The following MYOCD variants were observed in gnomAD, a reference collection of about 807,000 sequenced individuals.
MYOCD encodes the protein myocardin.
MYOCD carries 32 observed loss-of-function variants against 96.1 expected under a neutral mutation model. The ratio of observed to expected loss-of-function variants is 0.33; its 90% CI spans 0.25 to 0.45. MYOCD has a LOEUF of 0.45. MYOCD is among the 20% of genes least tolerant of loss of function. The pLI is 1.00. For synonymous variants in MYOCD, 469 were observed against 469.0 expected (o/e 1.00, Z 0.00); for missense variants, 1,133 against 1,200.6 (o/e 0.94, Z 0.83).
chr17:12,692,726 A>T (rs1172981332), intron 1 of MYOCD, among the ~76,000 whole-genome samples: 3 of 152,074 alleles, frequency 2.0e-5, no homozygotes, highest in African/African-American at 7.2e-5. Flanking sequence ...CTCTAAGGAG[A>T]CCTATACAGC....
At chr17:12,753,479 A>G in intron 10 of MYOCD, 133 bp downstream of exon 10, 3 of 818,528 alleles carry the variant, frequency 3.7e-6, no homozygotes, top group Non-Finnish European at 5.6e-6. Context: ...AATCTCCCAG[A>G]CACTACAATC....
chr17:12,760,522 G>T (rs946288349), intron 12 of MYOCD, 128 bp from the exon 13 acceptor site: 55 of 710,152 alleles, frequency 7.7e-5, no homozygotes, highest in Admixed American at 5.8e-4. Flanking sequence ...TGTGTATTTT[G>T]CCACAATTGG....
chr17:12,718,706 G>A (rs185221710), intron 4 of MYOCD, among the ~76,000 whole-genome samples: 2 of 152,228 alleles, frequency 1.3e-5, no homozygotes, highest in East Asian at 1.9e-4. Context: ...TTTGATCTGC[G>A]TGAGGCAGCC....
At chr17:12,704,729 A>C (rs2031220893) in intron 1 of MYOCD, among the ~76,000 whole-genome samples, 1 of 152,196 alleles carries the variant, frequency 6.6e-6, no homozygotes, top group African/African-American at 2.4e-5. Flanking sequence ...AGGGATACAC[A>C]GCTATTAAGG....
Position 12,733,885 on chromosome 17 carries a change from A to AAAAAG in MYOCD, c.416-2273_416-2272insAGAAA, listed in dbSNP as rs1567591071. On this transcript the variant is annotated intron_variant, in intron 5 of 13. Coordinates refer to ENST00000425538, the MANE Select transcript of MYOCD (RefSeq NM_001146312.3). ...CGTCTCAAAAAAAAGAAAAAAGAAA[A>AAAAAG]AAAGAAAGAAATGAGAAAATGTGCC... Among the ~76,000 whole-genome samples, 153 of 139,776 alleles carry AAAAAG rather than the reference A, an allele frequency of 1.1e-3. 7 individuals are homozygous for AAAAAG. Among genetic ancestry groups the AAAAAG allele is most frequent in the East Asian group, 2.0e-3 (9 of 4,554 alleles). 91.7% of individuals were successfully genotyped at this position (139,776 alleles called of 152,430 possible).
chr17:12,684,568 C>T (rs552516877), intron 1 of MYOCD, among the ~76,000 whole-genome samples: 8 of 152,132 alleles, frequency 5.3e-5, no homozygotes, highest in Admixed American at 1.3e-4. Flanking sequence ...CAATGGTGAC[C>T]GGGTGCAGTG....
At chr17:12,717,776 C>T (rs926260430) in intron 4 of MYOCD, among the ~76,000 whole-genome samples, 2 of 152,170 alleles carry the variant, frequency 1.3e-5, no homozygotes, top group African/African-American at 4.8e-5. Flanking sequence ...GATCACAGTT[C>T]CCTTGCTACC....
At chr17:12,733,146 T>C (rs2032227960) in intron 5 of MYOCD, among the ~76,000 whole-genome samples, 2 of 151,638 alleles carry the variant, frequency 1.3e-5, no homozygotes, top group South Asian at 4.2e-4. Context: ...CTGTCTCTAC[T>C]AAAAATACAA....
At chr17:12,704,623 T>C (rs2031214902) in intron 1 of MYOCD, among the ~76,000 whole-genome samples, 1 of 152,212 alleles carries the variant, frequency 6.6e-6, no homozygotes, top group Non-Finnish European at 1.5e-5. Context: ...TGTGCATACA[T>C]TGTTTTATCA....
intron 13 of MYOCD, chr17:12,762,544 C>T (rs1160791683): frequency 6.6e-6 from 1 of 152,362 alleles, no homozygotes; most frequent in African/African-American, 2.4e-5. Flanking sequence ...ACTGTGATTT[C>T]CAAGGATGCT....
intron 1 of MYOCD, among the ~76,000 whole-genome samples, chr17:12,693,751 G>T (rs2150659916): frequency 6.6e-6 from 1 of 151,974 alleles, no homozygotes. Flanking sequence ...GTGTAGCACT[G>T]GAACAAGAAT....
chr17:12,766,069 C>T lies in MYOCD; in HGVS notation c.*2425C>T, dbSNP rs1369873859. ...TATTAATACACTCCACACATTTGTT[C>T]ATTCCTCAGCTGTTGGTGTTTTCTT... On this transcript the variant is annotated 3_prime_UTR_variant, in exon 14 of 14. Coordinates refer to ENST00000425538, the MANE Select transcript of MYOCD (RefSeq NM_001146312.3). 1 of 152,164 alleles carries T rather than the reference C, an allele frequency of 6.6e-6. No homozygotes were observed. Among genetic ancestry groups the T allele is most frequent in the African/African-American group, 2.4e-5 (1 of 41,430 alleles). 9.4% of individuals were successfully genotyped at this position (152,164 alleles called of 1,614,324 possible).
chr17:12,753,449 G>A, intron 10 of MYOCD, 103 bp downstream of exon 10: 1 of 1,080,270 alleles, frequency 9.3e-7, no homozygotes, highest in Non-Finnish European at 1.3e-6. Context: ...AATGGGAAGG[G>A]TTTACCAAAA....
chr17:12,746,106 T>C (rs1302869537), intron 9 of MYOCD, 34 bp downstream of exon 9: 2 of 1,607,214 alleles, frequency 1.2e-6, no homozygotes, highest in Admixed American at 3.4e-5. Context: ...TTTCTTTTTT[T>C]AAACAAATAC....
chr17:12,715,275 C>T (rs1476898004), intron 2 of MYOCD, among the ~76,000 whole-genome samples: 1 of 147,872 alleles, frequency 6.8e-6, no homozygotes, highest in Non-Finnish European at 1.5e-5. Context: ...TCCATCACTT[C>T]TCTTCTTGTT....
intron 1 of MYOCD, among the ~76,000 whole-genome samples, chr17:12,680,909 C>A (rs891390704): frequency 2.0e-5 from 3 of 152,140 alleles, no homozygotes; most frequent in Non-Finnish European, 4.4e-5. Context: ...AGGTTCCCTA[C>A]ACCCCAATAG....
chr17:12,725,845 T>C (rs1023647780), intron 5 of MYOCD, among the ~76,000 whole-genome samples: 2 of 152,104 alleles, frequency 1.3e-5, no homozygotes, highest in Non-Finnish European at 2.9e-5. Context: ...ATTTCTCTAT[T>C]CCTATCCCAC....
rs2032920212 is a variant in MYOCD, at chr17:12,753,399, A to C, written c.2058+53A>C. The C allele has an allele frequency of 3.4e-6, 5 of 1,467,324 alleles. No homozygotes were observed. In the South Asian group the frequency reaches 6.8e-5, roughly 20 times the overall value. The allele number at this position is 1,467,324 out of a possible 1,614,324, so 90.9% of individuals were successfully genotyped here. Reference sequence around the variant, plus strand: ...GCACACTTCTTTCTGGAAGTGGGTTACAAATTTTCAACTGCTAAAGAGCTA... The same window carrying C: ...GCACACTTCTTTCTGGAAGTGGGTTCCAAATTTTCAACTGCTAAAGAGCTA... On this transcript the variant is annotated intron_variant, in intron 10 of 13. Coordinates refer to ENST00000425538, the MANE Select transcript of MYOCD (RefSeq NM_001146312.3).
At chr17:12,735,277 G>A (rs886232381) in intron 5 of MYOCD, among the ~76,000 whole-genome samples, 7 of 152,194 alleles carry the variant, frequency 4.6e-5, no homozygotes, top group Non-Finnish European at 1.0e-4. Flanking sequence ...GGAGAGCTAT[G>A]TGGCTTCAGC....
Sources: allele counts gnomAD v4.1 joint callset (sites outside exome capture counted in the v4.1 genomes callset), GRCh38; gene constraint gnomAD v4.1.1; transcripts MANE v1.5; gene names NCBI Gene and HGNC (gene_info 2026-07-23, HGNC 2026-07-21).